COX16: variants seen among roughly 807,000 people sequenced by gnomAD.
The protein encoded by COX16 is cytochrome c oxidase assembly factor COX16.
Under a neutral mutation model 15.4 loss-of-function variants are expected in COX16, and 12 were observed. That is an observed-to-expected ratio of 0.78 (90% confidence interval 0.50 to 1.26). The LOEUF (loss-of-function observed/expected upper bound fraction) is 1.26, where lower values mean the gene tolerates loss of function less well. COX16 is among the 50% of genes most tolerant of loss of function. The pLI is 0.00. For synonymous variants in COX16, 46 were observed against 41.1 expected, an observed-to-expected ratio of 1.12 and a Z score of -0.46; for missense variants, 124 against 127.6, an observed-to-expected ratio of 0.97 and a Z score of 0.14.
chr14:70,344,566 G>C (rs891909540), intron 1 of COX16, among the ~76,000 whole-genome samples: 1 of 152,184 alleles, frequency 6.6e-6, no homozygotes, highest in African/African-American at 2.4e-5. Context: ...ATTGTGTGTC[G>C]CTCTTATAAA....
chr14:70,351,300 G>A (rs556531586), intron 1 of COX16, among the ~76,000 whole-genome samples: 294 of 152,068 alleles, frequency 1.9e-3, no homozygotes, highest in Middle Eastern at 6.8e-3. Context: ...AATATGCATC[G>A]TGCTTACCAT....
chr14:70,342,133 A>G (rs976176475), intron 2 of COX16, among the ~76,000 whole-genome samples: 5 of 152,228 alleles, frequency 3.3e-5, no homozygotes, highest in Non-Finnish European at 5.9e-5. Flanking sequence ...CAACATTGCA[A>G]ATTTCCTAAT....
chr14:70,358,684 T>C (rs1887206761), intron 1 of COX16, among the ~76,000 whole-genome samples: 1 of 152,160 alleles, frequency 6.6e-6, no homozygotes, highest in Non-Finnish European at 1.5e-5. Flanking sequence ...AAAAATATAG[T>C]CTGTATTTAA....
intron 2 of COX16, 90 bp downstream of exon 2, chr14:70,342,568 C>CA (rs1886655181): frequency 3.2e-6 from 4 of 1,251,318 alleles, no homozygotes; most frequent in Non-Finnish European, 4.3e-6. Flanking sequence ...AAGACAAACT[C>CA]AGACTACTTA....
chr14:70,346,014 T>C (rs1886768281), intron 1 of COX16, among the ~76,000 whole-genome samples: 1 of 152,064 alleles, frequency 6.6e-6, no homozygotes, highest in Admixed American at 6.6e-5. Context: ...TAGTATTGCC[T>C]GTACCCATTC....
chr14:70,327,200 A>G (rs1362618622), intron 3 of COX16, among the ~76,000 whole-genome samples: 1 of 152,326 alleles, frequency 6.6e-6, no homozygotes, highest in South Asian at 2.1e-4. Context: ...ATCCAGAGAC[A>G]GGGAAAATGG....
In COX16 at chr14:70,329,157, A is replaced by T; in HGVS notation, c.204+17T>A. 6.2e-7 allele frequency: 1 copy of T among 1,600,440 alleles called. No homozygotes were observed. Among genetic ancestry groups the T allele is most frequent in the Non-Finnish European group, 8.5e-7 (1 of 1,173,772 alleles). ...AACTGATTGTTATAAGACAGAGACT[A>T]TATTAACATACCGTACCTCATATTC... is the stretch of plus-strand genomic sequence containing the variant. On this transcript the variant is annotated intron_variant, in intron 3 of 3. Transcript: ENST00000389912.
intron 3 of COX16, 31 bp from the exon 4 acceptor site, chr14:70,326,480 T>C (rs2140667209): frequency 6.5e-7 from 1 of 1,534,632 alleles, no homozygotes; most frequent in African/African-American, 1.4e-5. Flanking sequence ...AAAGTATAAA[T>C]ATTAGTATAA....
chr14:70,336,679 A>C (rs569451201), intron 2 of COX16, among the ~76,000 whole-genome samples: 92 of 152,286 alleles, frequency 6.0e-4, no homozygotes, highest in African/African-American at 2.1e-3. Flanking sequence ...TTATTGAGAG[A>C]TATATCTGTA....
chr14:70,352,899 C>T (rs1887004594), intron 1 of COX16, among the ~76,000 whole-genome samples: 2 of 152,018 alleles, frequency 1.3e-5, no homozygotes, highest in African/African-American at 4.8e-5. Flanking sequence ...AAAAAGAAAT[C>T]TCATGAAATT....
chr14:70,351,485 T>G (rs983187470), intron 1 of COX16, among the ~76,000 whole-genome samples: 1 of 152,206 alleles, frequency 6.6e-6, no homozygotes, highest in African/African-American at 2.4e-5. Context: ...TTCCTCTCTT[T>G]ACCGTTAACA....
At chr14:70,356,847 T>A (rs1452861029) in intron 1 of COX16, among the ~76,000 whole-genome samples, 1 of 152,020 alleles carries the variant, frequency 6.6e-6, no homozygotes, top group African/African-American at 2.4e-5. Flanking sequence ...ATGTGCACAG[T>A]ATTTACCTAA....
At chr14:70,341,647 C>T (rs1262882866) in intron 2 of COX16, among the ~76,000 whole-genome samples, 1 of 152,162 alleles carries the variant, frequency 6.6e-6, no homozygotes, top group Admixed American at 6.5e-5. Flanking sequence ...TAAAGACCCA[C>T]TATAGTTAAT....
chr14:70,342,086 C>T (rs1284711911), intron 2 of COX16, among the ~76,000 whole-genome samples: 1 of 152,162 alleles, frequency 6.6e-6, no homozygotes, highest in African/African-American at 2.4e-5. Context: ...ATTCTAAAAA[C>T]AGCTACATCA....
intron 2 of COX16, among the ~76,000 whole-genome samples, chr14:70,332,243 A>G (rs918690383): frequency 6.6e-6 from 1 of 152,258 alleles, no homozygotes; most frequent in African/African-American, 2.4e-5. Context: ...TGCAGGTCCC[A>G]GCTCAGAGCT....
chr14:70,330,428 T>C (rs1886246286), intron 2 of COX16, among the ~76,000 whole-genome samples: 1 of 151,212 alleles, frequency 6.6e-6, no homozygotes, highest in East Asian at 1.9e-4. Context: ...GCTTTGCCAG[T>C]GAATTCTCCC....
intron 1 of COX16, among the ~76,000 whole-genome samples, chr14:70,346,337 A>C (rs1886780032): frequency 6.6e-6 from 1 of 152,208 alleles, no homozygotes; most frequent in South Asian, 2.1e-4. Context: ...GGGGCCCTGC[A>C]GGCCCACGGG....
chr14:70,358,371 A>ATTTTTTTTTTTTT (rs34871293), intron 1 of COX16, among the ~76,000 whole-genome samples: 1 of 94,068 alleles, frequency 1.1e-5, no homozygotes, highest in Non-Finnish European at 2.0e-5. Context: ...AAAAACAACA[A>ATTTTTTTTTTTTT]TTTTTTTTTT....
intron 1 of COX16, among the ~76,000 whole-genome samples, chr14:70,350,447 G>A (rs949985259): frequency 1.3e-5 from 2 of 152,100 alleles, no homozygotes; most frequent in Non-Finnish European, 2.9e-5. Context: ...TTGTACATTG[G>A]CGCGCTCTCG....
Sources: allele counts gnomAD v4.1 joint callset (sites outside exome capture counted in the v4.1 genomes callset), GRCh38; gene constraint gnomAD v4.1.1; transcripts MANE v1.5; gene names NCBI Gene and HGNC (gene_info 2026-07-23, HGNC 2026-07-21).